CCNG2: variants seen among roughly 807,000 people sequenced by gnomAD.
The protein encoded by CCNG2 is cyclin-G2.
Under a neutral mutation model 36.5 loss-of-function variants are expected in CCNG2, and 20 were observed. The ratio of observed to expected loss-of-function variants is 0.55; its 90% CI spans 0.39 to 0.80. The LOEUF (loss-of-function observed/expected upper bound fraction) is 0.80. CCNG2 is among the 30% of genes least tolerant of loss of function. The pLI is 0.00. For missense variants in CCNG2, 358 were observed against 390.8 expected (o/e 0.92, Z 0.71); for synonymous variants, 155 against 140.1 (o/e 1.11, Z -0.75).
At chr4:77,162,903 TCAAA>T (rs1560423327) in intron 6 of CCNG2, among the ~76,000 whole-genome samples, 2 of 151,878 alleles carry the variant, frequency 1.3e-5, no homozygotes, top group Non-Finnish European at 2.9e-5. Flanking sequence ...GCTGTCCAAC[TCAAA>T]CAGTGGTTTT....
Position 77,160,849 on chromosome 4 carries a change from T to C in CCNG2, c.405T>C (p.Ala135=). ...VIRISQCKCT[A]SDIKRMEKII... ...GGATTAGTCAGTGTAAATGTACTGC[T>C]TCTGACATAAAACGGATGGAAAAAA... Residue 135 remains alanine (A), a synonymous_variant, in exon 4 of 8, where the codon GCT becomes GCC. Transcript: ENST00000316355. 6.2e-7 allele frequency: 1 copy of C among 1,614,040 alleles called. No homozygotes were observed. The highest frequency in any genetic ancestry group is 8.5e-7 in the Non-Finnish European group (1 of 1,180,006).
chr4:77,164,156 C>T (rs772560078), intron 6 of CCNG2, 118 bp from the exon 7 acceptor site: 18 of 657,696 alleles, frequency 2.7e-5, no homozygotes, highest in African/African-American at 2.6e-4. Flanking sequence ...GGGGTGGAAG[C>T]GGGTAGTGGG....
chr4:77,166,093 A>C lies in CCNG2; in HGVS notation c.*169A>C. ...CTGGCCTATTTTCATATTTATCCTA[A>C]GCCATCAAATGGGGTAGTGCCTCTT... On this transcript the variant is annotated 3_prime_UTR_variant, in exon 8 of 8. Coordinates refer to ENST00000316355, the MANE Select transcript of CCNG2 (RefSeq NM_004354.3). The C allele has an allele frequency of 1.8e-6, 1 of 542,848 alleles. No individual in the cohort carries two copies. The highest frequency in any genetic ancestry group is 3.0e-6 in the Non-Finnish European group (1 of 334,348). 33.6% of individuals were successfully genotyped at this position (542,848 alleles called of 1,614,324 possible). A position where few individuals can be genotyped will look rare whatever the true frequency, so the allele number is the denominator to read the frequency against.
intron 7 of CCNG2, 93 bp from the exon 8 acceptor site, chr4:77,165,708 C>T: frequency 9.2e-7 from 1 of 1,083,868 alleles, no homozygotes; most frequent in East Asian, 2.7e-5. Context: ...TAAAAATCCT[C>T]ACTAGAGATA....
In CCNG2 at chr4:77,158,605, C is replaced by T; in HGVS notation, c.73C>T (p.Leu25=). The change falls in exon 2 of 8, where the codon CTG becomes TTG. Residue 25 remains leucine (L), a synonymous_variant. Coordinates refer to ENST00000316355, the MANE Select transcript of CCNG2 (RefSeq NM_004354.3). ...ACTTCTCGGGTTGTTGAACGTCTAC[C>T]TGGAACAAGAAGAGAGATTCCAACC... ...VQLLGLLNVY[L]EQEERFQPRE... 6.2e-7 allele frequency: 1 copy of T among 1,614,114 alleles called. No individual in the cohort carries two copies. Among genetic ancestry groups the T allele is most frequent in the Non-Finnish European group, 8.5e-7 (1 of 1,180,006 alleles).
chr4:77,162,678 C>T (rs916262613), intron 6 of CCNG2, among the ~76,000 whole-genome samples: 2 of 152,034 alleles, frequency 1.3e-5, no homozygotes, highest in African/African-American at 4.8e-5. Flanking sequence ...GCCACTGTGC[C>T]CGGCTTACTT....
chr4:77,160,602 TATAAG>T (rs1426040621), intron 3 of CCNG2, 114 bp from the exon 4 acceptor site: 5 of 966,354 alleles, frequency 5.2e-6, no homozygotes, highest in East Asian at 2.6e-5. Context: ...AGCCAGTACA[TATAAG>T]AGAAACAACT....
At chr4:77,165,737 T>C in intron 7 of CCNG2, 64 bp from the exon 8 acceptor site, 1 of 1,354,542 alleles carries the variant, frequency 7.4e-7, no homozygotes. Flanking sequence ...TTATTTTGGC[T>C]ATAAAACATT....
intron 1 of CCNG2, among the ~76,000 whole-genome samples, chr4:77,157,969 G>T (rs1731311764): frequency 6.6e-6 from 1 of 151,992 alleles, no homozygotes; most frequent in Admixed American, 6.5e-5. Flanking sequence ...TCCGCCTCTC[G>T]GGTAAGTCCG....
Position 77,161,667 on chromosome 4 carries a change from T to C in CCNG2, c.625T>C (p.Cys209Arg). ...CTTACAGCCATCTGTATTAGCCTTG[T>C]GCCTTCTCAATTTGGAAGTGGAAAC... is the stretch of plus-strand genomic sequence containing the variant. ...SKAKPSVLAL[C>R]LLNLEVETLK... The change falls in exon 6 of 8, where the codon TGC (cysteine) becomes CGC (arginine). Residue 209 changes from cysteine (C) to arginine (R), a missense_variant. Coordinates refer to ENST00000316355, the MANE Select transcript of CCNG2 (RefSeq NM_004354.3). 6.2e-7 allele frequency: 1 copy of C among 1,606,336 alleles called. No homozygotes were observed. Among genetic ancestry groups the C allele is most frequent in the Non-Finnish European group, 8.5e-7 (1 of 1,176,910 alleles).
At chr4:77,161,099 C>CA in intron 4 of CCNG2, 128 bp downstream of exon 4, 1 of 304,558 alleles carries the variant, frequency 3.3e-6, no homozygotes, top group Non-Finnish European at 5.6e-6. Context: ...ATTGGTAAAT[C>CA]TTTTTTTTTT....
rs35524230 is a variant in CCNG2 at position 77,160,852 on chromosome 4, T to C, written c.408T>C (p.Ser136=). Residue 136 remains serine, a synonymous_variant, in exon 4 of 8, where the codon TCT becomes TCC. Coordinates refer to ENST00000316355, the MANE Select transcript of CCNG2 (RefSeq NM_004354.3). ...TTAGTCAGTGTAAATGTACTGCTTC[T>C]GACATAAAACGGATGGAAAAAATAA... The part of the protein sequence containing the change: ...IRISQCKCTA[S]DIKRMEKIIS... 8.3e-4 allele frequency: 1,336 copies of C among 1,614,064 alleles called. 11 individuals are homozygous for C. In the African/African-American group the frequency reaches 0.016, roughly 20 times the overall value.
chr4:77,163,245 T>C (rs1198664947), intron 6 of CCNG2, among the ~76,000 whole-genome samples: 1 of 152,062 alleles, frequency 6.6e-6, no homozygotes, highest in Non-Finnish European at 1.5e-5. Context: ...CCCCCAACAT[T>C]AGGAGCCAAG....
In CCNG2 at chr4:77,166,469, T is replaced by A. The variant is rs1353731436; in HGVS notation, c.*545T>A. The A allele has an allele frequency of 6.6e-6, 1 of 152,218 alleles. No homozygotes were observed. The highest frequency in any genetic ancestry group is 2.4e-5 in the African/African-American group (1 of 41,444). The allele number at this position is 152,218 out of a possible 1,614,324, so 9.4% of individuals were successfully genotyped here. A position where few individuals can be genotyped will look rare whatever the true frequency, so the allele number is the denominator to read the frequency against. Reference sequence around the variant, plus strand: ...TCTATTTGATGTGATGCAGATCTTATAAATTTGGGAATTATAATATTGACA... The same window carrying A: ...TCTATTTGATGTGATGCAGATCTTAAAAATTTGGGAATTATAATATTGACA... On this transcript the variant is annotated 3_prime_UTR_variant, in exon 8 of 8. Coordinates refer to ENST00000316355, the MANE Select transcript of CCNG2 (RefSeq NM_004354.3).
At chr4:77,159,625 T>A in intron 3 of CCNG2, 121 bp downstream of exon 3, 2 of 910,276 alleles carry the variant, frequency 2.2e-6, no homozygotes, top group Non-Finnish European at 3.2e-6. Context: ...AAATTTATAA[T>A]CAGAATTGTG....
intron 7 of CCNG2, 83 bp from the exon 8 acceptor site, chr4:77,165,718 A>G (rs1246047331): frequency 8.4e-7 from 1 of 1,188,702 alleles, no homozygotes; most frequent in Non-Finnish European, 1.1e-6. Context: ...CACTAGAGAT[A>G]TAGCAGCTTT....
At chr4:77,157,792 TTC>T (rs1365298475) in intron 1 of CCNG2, among the ~76,000 whole-genome samples, 2 of 152,060 alleles carry the variant, frequency 1.3e-5, no homozygotes, top group African/African-American at 4.8e-5. Context: ...GGCGTGGTGC[TTC>T]TCGAATTGAC....
intron 7 of CCNG2, 98 bp from the exon 8 acceptor site, chr4:77,165,703 A>G (rs1731611561): frequency 9.8e-7 from 1 of 1,015,480 alleles, no homozygotes; most frequent in Non-Finnish European, 1.4e-6. Context: ...GAATATAAAA[A>G]TCCTCACTAG....
intron 7 of CCNG2, among the ~76,000 whole-genome samples, chr4:77,165,489 T>C (rs1731604658): frequency 6.6e-6 from 1 of 151,958 alleles, no homozygotes; most frequent in South Asian, 2.1e-4. Context: ...ATATTTTTTG[T>C]AGAGATGGGA....
Sources: allele counts gnomAD v4.1 joint callset (sites outside exome capture counted in the v4.1 genomes callset), GRCh38; gene constraint gnomAD v4.1.1; transcripts MANE v1.5; gene names NCBI Gene and HGNC (gene_info 2026-07-23, HGNC 2026-07-21).